CDH12: variants seen among roughly 807,000 people sequenced by gnomAD.
CDH12 encodes the protein cadherin 12, also known as cadherin-12.
In CDH12, 41 loss-of-function variants were observed where a neutral mutation model predicts 74.1. The ratio of observed to expected loss-of-function variants is 0.55; its 90% CI spans 0.43 to 0.72. The LOEUF (loss-of-function observed/expected upper bound fraction) is 0.72, where lower values mean the gene tolerates loss of function less well. Among genes scored for constraint, CDH12 ranks in the 30% least tolerant of loss-of-function variants. The pLI is 0.00. For synonymous variants in CDH12, 399 were observed against 355.0 expected (o/e 1.12, Z -1.39); for missense variants, 945 against 977.2 (o/e 0.97, Z 0.44).
chr5:22,194,308 C>CTTTT (rs59899245), intron 4 of CDH12, among the ~76,000 whole-genome samples: 4 of 139,864 alleles, frequency 2.9e-5, no homozygotes, highest in Non-Finnish European at 3.1e-5. Context: ...CTTTTTCTTT[C>CTTTT]TTTTTTTTTT....
At chr5:22,726,752 G>C (rs866436082) in intron 1 of CDH12, among the ~76,000 whole-genome samples, 1 of 151,852 alleles carries the variant, frequency 6.6e-6, no homozygotes, top group East Asian at 1.9e-4. Context: ...ACCTGTTCTT[G>C]AAAAGCCTGA....
intron 1 of CDH12, chr5:22,580,593 AT>A: frequency 6.3e-6 from 3 of 474,660 alleles, no homozygotes; most frequent in South Asian, 3.3e-5. Flanking sequence ...AAACTTTTGG[AT>A]TTTTTTAATC....
chr5:21,885,050 C>G (rs1752556030), intron 6 of CDH12, among the ~76,000 whole-genome samples: 2 of 152,010 alleles, frequency 1.3e-5, no homozygotes, highest in Non-Finnish European at 2.9e-5. Flanking sequence ...CCATGCCCAG[C>G]TATTTTTTGT....
intron 1 of CDH12, among the ~76,000 whole-genome samples, chr5:22,773,647 T>G: frequency 6.6e-6 from 1 of 152,072 alleles, no homozygotes; most frequent in East Asian, 1.9e-4. Flanking sequence ...AATAGACAAG[T>G]GGGACCTAAA....
intron 5 of CDH12, among the ~76,000 whole-genome samples, chr5:22,009,240 A>G (rs2150151043): frequency 6.6e-6 from 1 of 152,322 alleles, no homozygotes; most frequent in African/African-American, 2.4e-5. Flanking sequence ...GCGAAACAGA[A>G]TTAATAACGC....
intron 1 of CDH12, among the ~76,000 whole-genome samples, chr5:22,631,316 T>C (rs1484237112): frequency 1.3e-5 from 2 of 152,140 alleles, no homozygotes; most frequent in Non-Finnish European, 2.9e-5. Flanking sequence ...AATAATTCTG[T>C]CATAAAGACA....
intron 1 of CDH12, among the ~76,000 whole-genome samples, chr5:22,600,041 A>C (rs572112332): frequency 6.6e-6 from 1 of 152,154 alleles, no homozygotes; most frequent in Non-Finnish European, 1.5e-5. Flanking sequence ...CAATGGGGAA[A>C]AAAAGACATG....
chr5:22,047,252 A>G lies in CDH12; in HGVS notation c.231+31194T>C, dbSNP rs1015019302. Among the ~76,000 whole-genome samples, 6 of 152,206 alleles carry G rather than the reference A, an allele frequency of 3.9e-5. No homozygotes were observed. In the East Asian group the frequency reaches 5.8e-4, roughly 15 times the overall value. On this transcript the variant is annotated intron_variant, in intron 5 of 14. Transcript: ENST00000382254. The stretch of plus-strand genomic sequence containing the variant: ...CTAGGATCCCTTCCTTAAACTTTCA[A>G]TTCCATGATATTCATTCTATTCTCT...
intron 6 of CDH12, among the ~76,000 whole-genome samples, chr5:21,914,818 A>G (rs1754015022): frequency 6.6e-6 from 1 of 152,236 alleles, no homozygotes; most frequent in Admixed American, 6.5e-5. Context: ...GTGTTTAAAT[A>G]ACTAGGTAAC....
intron 4 of CDH12, among the ~76,000 whole-genome samples, chr5:22,110,958 T>C (rs1251345946): frequency 3.9e-5 from 6 of 152,162 alleles, no homozygotes; most frequent in Admixed American, 2.6e-4. Context: ...GTTGGTCATA[T>C]CAGATCTCCC....
intron 6 of CDH12, among the ~76,000 whole-genome samples, chr5:21,856,524 A>G (rs1207419113): frequency 2.0e-5 from 3 of 151,804 alleles, no homozygotes; most frequent in African/African-American, 7.2e-5. Context: ...TTAGTGAAAA[A>G]CATTAATAAA....
chr5:22,124,148 ATTATT>A (rs926705732), intron 4 of CDH12, among the ~76,000 whole-genome samples: 2 of 150,210 alleles, frequency 1.3e-5, no homozygotes, highest in African/African-American at 4.9e-5. Context: ...TATTATTATT[ATTATT>A]TTATTTTATT....
At chr5:22,258,706 T>C (rs1046854867) in intron 3 of CDH12, among the ~76,000 whole-genome samples, 1 of 152,152 alleles carries the variant, frequency 6.6e-6, no homozygotes, top group Admixed American at 6.6e-5. Flanking sequence ...GTATCTTCTC[T>C]ATGTTTAGAT....
At chr5:22,077,047 A>AGT (rs5866546) in intron 5 of CDH12, among the ~76,000 whole-genome samples, 6,961 of 149,092 alleles carry the variant, frequency 0.047, 187 homozygotes, top group Middle Eastern at 0.062. Flanking sequence ...GCTTAATGGC[A>AGT]GTGTGTGTGT....
At chr5:22,039,463 G>T (rs1739421877) in intron 5 of CDH12, among the ~76,000 whole-genome samples, 1 of 152,090 alleles carries the variant, frequency 6.6e-6, no homozygotes, top group South Asian at 2.1e-4. Flanking sequence ...AAGACCCTGA[G>T]ACTAAGACCC....
At chr5:22,394,707 T>A (rs1360763717) in intron 3 of CDH12, among the ~76,000 whole-genome samples, 2 of 152,172 alleles carry the variant, frequency 1.3e-5, no homozygotes, top group Admixed American at 1.3e-4. Flanking sequence ...GGGCCATCTA[T>A]CTTATGCCAA....
At chr5:22,046,430 C>CTTTTTTTCTTTTTTTT (rs1739956551) in intron 5 of CDH12, among the ~76,000 whole-genome samples, 1 of 100,420 alleles carries the variant, frequency 1.0e-5, no homozygotes, top group African/African-American at 4.3e-5. Flanking sequence ...CATTTAATTT[C>CTTTTTTTCTTTTTTTT]TTTTTTTTTT....
intron 1 of CDH12, among the ~76,000 whole-genome samples, chr5:22,523,036 G>C (rs557912720): frequency 2.0e-5 from 3 of 152,212 alleles, no homozygotes; most frequent in African/African-American, 7.2e-5. Context: ...GACTTCTTAA[G>C]GGTTTCCTGC....
At chr5:22,246,084 A>G (rs1035802739) in intron 3 of CDH12, among the ~76,000 whole-genome samples, 6 of 152,018 alleles carry the variant, frequency 3.9e-5, no homozygotes, top group Admixed American at 2.6e-4. Context: ...TACACTAACC[A>G]TTTAGATTAC....
Sources: gnomAD v4.1 joint callset for allele counts (sites outside exome capture counted in the v4.1 genomes callset) on GRCh38, gnomAD v4.1.1 for gene constraint, MANE v1.5 for transcripts, NCBI Gene and HGNC (gene_info 2026-07-23, HGNC 2026-07-21) for gene names.